PLA2G2E: variants seen among roughly 807,000 people sequenced by gnomAD.
PLA2G2E encodes the protein group IIE secretory phospholipase A2.
Under a neutral mutation model 16.5 loss-of-function variants are expected in PLA2G2E, and 14 were observed. The ratio of observed to expected loss-of-function variants is 0.85; its 90% CI spans 0.56 to 1.33. The LOEUF (loss-of-function observed/expected upper bound fraction) is 1.33, where lower values mean the gene tolerates loss of function less well. Ranked by LOEUF, PLA2G2E falls within the 40% of genes most tolerant of loss-of-function variation. The probability of loss-of-function intolerance (pLI) is 0.00; values close to 1 mark genes in which losing one functional copy is unlikely to be tolerated. For missense variants in PLA2G2E, 174 were observed against 190.7 expected, an observed-to-expected ratio of 0.91 and a Z score of 0.52; for synonymous variants, 72 against 77.2, an observed-to-expected ratio of 0.93 and a Z score of 0.36.
At chr1:19,921,716 G>A (rs2045817774) in intron 3 of PLA2G2E, among the ~76,000 whole-genome samples, 1 of 152,234 alleles carries the variant, frequency 6.6e-6, no homozygotes, top group Non-Finnish European at 1.5e-5. Context: ...TTTGTGGCAG[G>A]GAGAGAGCTT....
Position 19,920,563 on chromosome 1 carries a change from G to T in PLA2G2E, c.287-114C>A. On this transcript the variant is annotated intron_variant, in intron 3 of 3. Transcript: ENST00000375116. This position sits in a 1 kb window ranked among gnomAD's most constrained non-coding sequence, Gnocchi z 4.3. ...CTGGACCAACTCCATTCTGATGGAAGCCCAAGCTCCCGGGTTGTTTCACGG... is the reference window on the plus strand; with the variant it reads ...CTGGACCAACTCCATTCTGATGGAATCCCAAGCTCCCGGGTTGTTTCACGG... 1 of 1,066,644 alleles carries T rather than the reference G, an allele frequency of 9.4e-7. No individual in the cohort carries two copies. Among genetic ancestry groups the T allele is most frequent in the Non-Finnish European group, 1.3e-6 (1 of 740,986 alleles). The allele number at this position is 1,066,644 out of a possible 1,614,324, so 66.1% of individuals were successfully genotyped here.
chr1:19,920,521 GGGTCC>G lies in PLA2G2E; in HGVS notation c.287-77_287-73del. On this transcript the variant is annotated intron_variant, in intron 3 of 3. Coordinates refer to ENST00000375116, the MANE Select transcript of PLA2G2E (RefSeq NM_014589.3). This position sits in a 1 kb window ranked among gnomAD's most constrained non-coding sequence, Gnocchi z 4.3. ...TGTGGGACAGCTCTTGGCTGCTTCT[GGGTCC>G]ACGTTCTTGACCTGGACCAACTCCA... 1.3e-6 allele frequency: 2 copies of G among 1,510,604 alleles called. No homozygotes were observed. Among genetic ancestry groups the G allele is most frequent in the Non-Finnish European group, 1.8e-6 (2 of 1,109,786 alleles). The allele number at this position is 1,510,604 out of a possible 1,614,324, so 93.6% of individuals were successfully genotyped here.
intron 2 of PLA2G2E, 72 bp downstream of exon 2, chr1:19,922,545 C>T (rs2100356297): frequency 6.3e-7 from 1 of 1,585,310 alleles, no homozygotes. Flanking sequence ...TTCCCTCCTT[C>T]TCCCAGGATC....
chr1:19,921,570 G>A lies in PLA2G2E; in HGVS notation c.286+728C>T, dbSNP rs138503973. Among the ~76,000 whole-genome samples the A allele has an allele frequency of 5.7e-4, 87 of 152,306 alleles. 1 individual carries two copies. The highest frequency in any genetic ancestry group is 2.1e-3 in the African/African-American group (86 of 41,560). ...ACATTGCCCTGCCGAGTGGTTGGCGGCAGAGGAAATGGAGCCAGCTCTGCC... is the reference window on the plus strand; with the variant it reads ...ACATTGCCCTGCCGAGTGGTTGGCGACAGAGGAAATGGAGCCAGCTCTGCC... On this transcript the variant is annotated intron_variant, in intron 3 of 3. Transcript: ENST00000375116.
At chr1:19,923,280 G>A (rs1001180617) in intron 1 of PLA2G2E, among the ~76,000 whole-genome samples, 3 of 152,198 alleles carry the variant, frequency 2.0e-5, no homozygotes, top group Non-Finnish European at 2.9e-5. Context: ...TGTGCCATCC[G>A]GGAAGCGCCA....
rs1350809614 is a variant in PLA2G2E at position 19,920,370 on chromosome 1, G to A, written c.366C>T (p.Thr122=). The change falls in exon 4 of 4, where the codon ACC becomes ACT. Residue 122 remains threonine, a synonymous_variant. Coordinates refer to ENST00000375116, the MANE Select transcript of PLA2G2E (RefSeq NM_014589.3). The surrounding 1 kb of genome is among the most constrained non-coding windows in gnomAD (Gnocchi z 4.3). The stretch of plus-strand genomic sequence containing the variant: ...GATAATGGGCATATTTGCGGTTGTA[G>A]GTGCCCAGGTTGCGGCGAAAGCAGA... The part of the protein sequence containing the change: ...AALCFRRNLG[T]YNRKYAHYPN... The A allele has an allele frequency of 3.1e-6, 5 of 1,613,776 alleles. No individual in the cohort carries two copies. The African/African-American group carries it at 5.3e-5, about 17-fold the overall frequency.
In PLA2G2E at chr1:19,920,098, C is replaced by G; in HGVS notation, c.*209G>C. On this transcript the variant is annotated 3_prime_UTR_variant, in exon 4 of 4. Transcript: ENST00000375116. The surrounding 1 kb of genome is among the most constrained non-coding windows in gnomAD (Gnocchi z 4.3). ...CTTCTGGGTGCTGAAGGGTCCATGG[C>G]TCCTGGGGCAGGGTTCTTTCTACAG... is the stretch of plus-strand genomic sequence containing the variant. The G allele has an allele frequency of 1.8e-6, 1 of 557,578 alleles. No homozygotes were observed. The highest frequency in any genetic ancestry group is 2.3e-5 in the South Asian group (1 of 43,360). 34.5% of individuals were successfully genotyped at this position (557,578 alleles called of 1,614,324 possible).
Position 19,920,111 on chromosome 1 carries a change from G to T in PLA2G2E, c.*196C>A. On this transcript the variant is annotated 3_prime_UTR_variant, in exon 4 of 4. Transcript: ENST00000375116. The surrounding 1 kb of genome is among the most constrained non-coding windows in gnomAD (Gnocchi z 4.3). ...AAGGGTCCATGGCTCCTGGGGCAGG[G>T]TTCTTTCTACAGAGAAGGGGTAGCC... The T allele has an allele frequency of 1.7e-6, 1 of 573,064 alleles. No homozygotes were observed. Among genetic ancestry groups the T allele is most frequent in the African/African-American group, 1.9e-5 (1 of 53,462 alleles). 35.5% of individuals were successfully genotyped at this position (573,064 alleles called of 1,614,324 possible). A position where few individuals can be genotyped will look rare whatever the true frequency, so the allele number is the denominator to read the frequency against.
In PLA2G2E at chr1:19,920,713, G is replaced by C. The variant is rs535626525; in HGVS notation, c.287-264C>G. ...ACGCTGACTGCCCTTAGCTCTCTCC[G>C]GCCTTAGGGACACCACGTGGTTCCC... On this transcript the variant is annotated intron_variant, in intron 3 of 3. Transcript: ENST00000375116. The surrounding 1 kb of genome is among the most constrained non-coding windows in gnomAD (Gnocchi z 4.3). Among the ~76,000 whole-genome samples, 2 of 152,240 alleles carry C rather than the reference G, an allele frequency of 1.3e-5. No homozygotes were observed. The highest frequency in any genetic ancestry group is 2.1e-4 in the South Asian group (1 of 4,828).
At chr1:19,923,310 C>T (rs1020533162) in intron 1 of PLA2G2E, among the ~76,000 whole-genome samples, 1 of 152,244 alleles carries the variant, frequency 6.6e-6, no homozygotes, top group African/African-American at 2.4e-5. Flanking sequence ...CCATGCCCCT[C>T]ACCCCTCCCA....
rs193055720 is a variant in PLA2G2E, at chr1:19,921,951, C to T, written c.286+347G>A. On this transcript the variant is annotated intron_variant, in intron 3 of 3. Transcript: ENST00000375116. ...TCTGTCCGAAGGACTTCACCTTTAGCTCCTGTTGAGGCCTTGGGAGGGTGC... is the reference window on the plus strand; with the variant it reads ...TCTGTCCGAAGGACTTCACCTTTAGTTCCTGTTGAGGCCTTGGGAGGGTGC... Among the ~76,000 whole-genome samples the T allele has an allele frequency of 2.6e-5, 4 of 152,336 alleles. No individual in the cohort carries two copies. The East Asian group carries it at 7.7e-4, about 29-fold the overall frequency.
At chr1:19,921,390 C>A (rs1156910175) in intron 3 of PLA2G2E, among the ~76,000 whole-genome samples, 1 of 152,226 alleles carries the variant, frequency 6.6e-6, no homozygotes, top group Non-Finnish European at 1.5e-5. Flanking sequence ...GATTACATCA[C>A]TTGTCCAAAG....
Position 19,920,268 on chromosome 1 carries a change from G to T in PLA2G2E, c.*39C>A. ...AGGCCTGGGACTACAGCAGCCCGAG[G>T]CGGGACCTCCAGGGACGGGGGGGAG... is the stretch of plus-strand genomic sequence containing the variant. On this transcript the variant is annotated 3_prime_UTR_variant, in exon 4 of 4. Coordinates refer to ENST00000375116, the MANE Select transcript of PLA2G2E (RefSeq NM_014589.3). The surrounding 1 kb of genome is among the most constrained non-coding windows in gnomAD (Gnocchi z 4.3). The T allele has an allele frequency of 6.3e-7, 1 of 1,587,310 alleles. No individual in the cohort carries two copies. Among genetic ancestry groups the T allele is most frequent in the Non-Finnish European group, 8.6e-7 (1 of 1,162,480 alleles).
chr1:19,921,667 G>T (rs1358887383), intron 3 of PLA2G2E, among the ~76,000 whole-genome samples: 2 of 152,212 alleles, frequency 1.3e-5, no homozygotes, highest in African/African-American at 2.4e-5. Flanking sequence ...TGCAGCATCC[G>T]CCCACCAGGC....
At position 19,920,147 on chromosome 1, in the gene PLA2G2E, G is replaced by A; in HGVS notation, c.*160C>T. The A allele has an allele frequency of 1.6e-6, 1 of 639,050 alleles. No homozygotes were observed. Among genetic ancestry groups the A allele is most frequent in the Non-Finnish European group, 2.7e-6 (1 of 376,176 alleles). The allele number at this position is 639,050 out of a possible 1,614,324, so 39.6% of individuals were successfully genotyped here. On this transcript the variant is annotated 3_prime_UTR_variant, in exon 4 of 4. Transcript: ENST00000375116. The surrounding 1 kb of genome is among the most constrained non-coding windows in gnomAD (Gnocchi z 4.3). ...AGAGAAGGGGTAGCCTGGGAGGCTA[G>A]TGATGGTCCAGGACATATCTCTGAG...
In PLA2G2E at chr1:19,922,747, C is replaced by G. The variant is rs995211621; in HGVS notation, c.49G>C (p.Val17Leu). The G allele has an allele frequency of 6.8e-6, 11 of 1,613,130 alleles. No individual in the cohort carries two copies. The African/African-American group carries it at 1.5e-4, about 22-fold the overall frequency. Residue 17 changes from valine (V) to leucine (L), a missense_variant, in exon 2 of 4, where the codon GTC becomes CTC. Val to Leu is a conservative substitution (Grantham distance 32, BLOSUM62 1). Coordinates refer to ENST00000375116, the MANE Select transcript of PLA2G2E (RefSeq NM_014589.3). ...LVFLCLLVAL[V>L]TGNLVQFGVM... ...CCAAACTGAACCAGGTTCCCGGTGA[C>G]CAGAGCCACTGCAGAGAGGGAGAGG...
At chr1:19,922,085 G>A (rs1178012476) in intron 3 of PLA2G2E, among the ~76,000 whole-genome samples, 1 of 152,212 alleles carries the variant, frequency 6.6e-6, no homozygotes, top group African/African-American at 2.4e-5. Context: ...GGGGCTGAGG[G>A]CTGCACTGAT....
In PLA2G2E at chr1:19,923,513, C is replaced by T. The variant is rs1426658942; in HGVS notation, c.40+7G>A. 3.9e-6 allele frequency: 6 copies of T among 1,548,304 alleles called. No individual in the cohort carries two copies. The highest frequency in any genetic ancestry group is 5.2e-6 in the Non-Finnish European group (6 of 1,145,708). ...GCAGAAGGCTGAAGGTCACAAAGAT[C>T]ACTTACCCAGGAGGCAAAGGAACAC... On this transcript the variant is annotated splice_region_variant and intron_variant, in intron 1 of 3. Coordinates refer to ENST00000375116, the MANE Select transcript of PLA2G2E (RefSeq NM_014589.3).
intron 1 of PLA2G2E, 110 bp from the exon 2 acceptor site, chr1:19,922,865 A>G (rs945810810): frequency 1.5e-6 from 2 of 1,306,864 alleles, no homozygotes; most frequent in African/African-American, 1.5e-5. Flanking sequence ...TGTCCAGTTA[A>G]GCTCACCTCC....
Sources: allele counts gnomAD v4.1 joint callset (sites outside exome capture counted in the v4.1 genomes callset), GRCh38; gene constraint gnomAD v4.1.1; non-coding constraint Gnocchi (gnomAD v3.1); transcripts MANE v1.5; gene names NCBI Gene and HGNC (gene_info 2026-07-23, HGNC 2026-07-21).